The following PSMA4 variants were observed in gnomAD, a reference collection of about 807,000 sequenced individuals.
PSMA4 encodes the protein proteasome subunit alpha type-4.
A neutral mutation model predicts 37.2 loss-of-function variants in PSMA4; 8 were observed. That is an observed-to-expected ratio of 0.22 (90% CI 0.13 to 0.39). The LOEUF is 0.39. Among genes scored for constraint, PSMA4 ranks in the 10% least tolerant of loss-of-function variants. The pLI, the probability that PSMA4 is intolerant of heterozygous loss-of-function variation, is 1.00. For synonymous variants in PSMA4, 93 were observed against 98.8 expected, an observed-to-expected ratio of 0.94 and a Z score of 0.35; for missense variants, 169 against 305.1, an observed-to-expected ratio of 0.55 and a Z score of 3.32.
chr15:78,548,701 C>G, intron 8 of PSMA4, 89 bp from the exon 9 acceptor site: 1 of 1,503,124 alleles, frequency 6.7e-7, no homozygotes, highest in Non-Finnish European at 8.9e-7. Flanking sequence ...AATGATGTGG[C>G]GAGCATAAAC....
Position 78,542,389 on chromosome 15 carries a change from T to C in PSMA4, c.47-94T>C, listed in dbSNP as rs866222972. 3 of 1,473,410 alleles carry C rather than the reference T, an allele frequency of 2.0e-6. No homozygotes were observed. In the African/African-American group the frequency reaches 4.2e-5, roughly 21 times the overall value. 91.3% of individuals were successfully genotyped at this position (1,473,410 alleles called of 1,614,324 possible). A position where few individuals can be genotyped will look rare whatever the true frequency, so the allele number is the denominator to read the frequency against. On this transcript the variant is annotated intron_variant, in intron 3 of 8. Coordinates refer to ENST00000044462, the MANE Select transcript of PSMA4 (RefSeq NM_002789.6). ...ACCATAGAAGAGTGAAAGTGGAAAT[T>C]TGTTTCTAGCTTGCTTCATTGCTGA...
intron 7 of PSMA4, 23 bp from the exon 8 acceptor site, chr15:78,546,552 C>G: frequency 6.4e-7 from 1 of 1,558,576 alleles, no homozygotes; most frequent in Non-Finnish European, 8.6e-7. Context: ...ACTTAAAATT[C>G]TATGTTGATT....
At chr15:78,545,816 A>G (rs1240684002) in intron 7 of PSMA4, 52 bp downstream of exon 7, 18 of 1,588,664 alleles carry the variant, frequency 1.1e-5, no homozygotes, top group Non-Finnish European at 1.5e-5. Flanking sequence ...AATAACTGCC[A>G]TAATTTTGCC....
intron 7 of PSMA4, among the ~76,000 whole-genome samples, chr15:78,546,112 T>G (rs1596044791): frequency 1.3e-5 from 2 of 152,132 alleles, no homozygotes; most frequent in East Asian, 3.9e-4. Context: ...TACCCCCTCT[T>G]CTCACCCCGT....
At chr15:78,545,190 G>A (rs1245256751) in intron 6 of PSMA4, among the ~76,000 whole-genome samples, 2 of 152,080 alleles carry the variant, frequency 1.3e-5, no homozygotes, top group Non-Finnish European at 2.9e-5. Flanking sequence ...ACTTGTGTTG[G>A]GAGCCTTCCA....
intron 8 of PSMA4, 101 bp from the exon 9 acceptor site, chr15:78,548,689 T>G: frequency 6.7e-7 from 1 of 1,482,396 alleles, no homozygotes; most frequent in Non-Finnish European, 9.0e-7. Flanking sequence ...AACTAACGTT[T>G]CAATGATGTG....
chr15:78,547,916 C>T (rs779098103), intron 8 of PSMA4, among the ~76,000 whole-genome samples: 3 of 151,458 alleles, frequency 2.0e-5, no homozygotes, highest in Admixed American at 6.6e-5. Context: ...GACAGTTTAG[C>T]TCCTGGTGTT....
chr15:78,544,392 T>C (rs367829261), intron 5 of PSMA4, 125 bp downstream of exon 5: 1 of 578,526 alleles, frequency 1.7e-6, no homozygotes. Context: ...CTTGGCTCAC[T>C]GCAACCTCCG....
chr15:78,545,048 C>A, intron 6 of PSMA4, 91 bp downstream of exon 6: 1 of 757,686 alleles, frequency 1.3e-6, no homozygotes, highest in South Asian at 2.2e-5. Context: ...TGAAAATAGA[C>A]CCTTTGTTTT....
intron 5 of PSMA4, 112 bp downstream of exon 5, chr15:78,544,379 G>GCC: frequency 9.5e-6 from 6 of 628,388 alleles, no homozygotes; most frequent in Non-Finnish European, 1.3e-5. Context: ...GCAGTGGCAC[G>GCC]ATCTTGGCTC....
chr15:78,544,375 G>GCGC, intron 5 of PSMA4, 108 bp downstream of exon 5: 1 of 672,978 alleles, frequency 1.5e-6, no homozygotes, highest in Non-Finnish European at 2.4e-6. Flanking sequence ...GAGTGCAGTG[G>GCGC]CACGATCTTG....
At chr15:78,547,789 A>C (rs1220529447) in intron 8 of PSMA4, among the ~76,000 whole-genome samples, 2 of 152,102 alleles carry the variant, frequency 1.3e-5, no homozygotes, top group Non-Finnish European at 2.9e-5. Flanking sequence ...GTGAGTTGAG[A>C]TCATGCCACT....
At chr15:78,545,848 AT>A in intron 7 of PSMA4, 84 bp downstream of exon 7, 1 of 1,412,516 alleles carries the variant, frequency 7.1e-7, no homozygotes, top group Non-Finnish European at 9.9e-7. Flanking sequence ...TGTAAACAGT[AT>A]TTTAAGATAG....
At chr15:78,544,350 CTG>C (rs2052512482) in intron 5 of PSMA4, 83 bp downstream of exon 5, 1 of 1,016,600 alleles carries the variant, frequency 9.8e-7, no homozygotes, top group Admixed American at 2.4e-5. Flanking sequence ...GAGTCTCACT[CTG>C]TCACCCAGGC....
intron 4 of PSMA4, among the ~76,000 whole-genome samples, chr15:78,543,300 G>A (rs1351398491): frequency 6.6e-6 from 1 of 152,142 alleles, no homozygotes; most frequent in African/African-American, 2.4e-5. Flanking sequence ...CCAAAGTGGT[G>A]TCACCCCTCC....
At chr15:78,542,909 C>T (rs1158111178) in intron 4 of PSMA4, among the ~76,000 whole-genome samples, 1 of 152,202 alleles carries the variant, frequency 6.6e-6, no homozygotes, top group Admixed American at 6.6e-5. Flanking sequence ...CCAGGCTTCA[C>T]CCATGCAGGC....
At chr15:78,543,289 T>C (rs1036954085) in intron 4 of PSMA4, among the ~76,000 whole-genome samples, 3 of 152,130 alleles carry the variant, frequency 2.0e-5, no homozygotes, top group African/African-American at 7.2e-5. Flanking sequence ...GATAAACTTG[T>C]CCAAAGTGGT....
In PSMA4 at chr15:78,548,782, G is replaced by A; in HGVS notation, c.632-8G>A. 1.2e-6 allele frequency: 2 copies of A among 1,601,160 alleles called. No homozygotes were observed. The highest frequency in any genetic ancestry group is 1.7e-6 in the Non-Finnish European group (2 of 1,175,880). ...GCAATACAAATAAATGTATGTGTTT[G>A]TTTTTAGTGGAAATTGCAACACTAA... is the stretch of plus-strand genomic sequence containing the variant. On this transcript the variant is annotated splice_polypyrimidine_tract_variant and splice_region_variant and intron_variant, in intron 8 of 8. Transcript: ENST00000044462.
At position 78,552,025 on chromosome 15, in the gene PSMA4, A is replaced by C. The variant is rs1186750746; in HGVS notation, c.*3081A>C. ...GGAGGTGAGGCAAAAGCTACTCTTT[A>C]ACTGTGAGTTTTTTTTCCTTGCGAT... On this transcript the variant is annotated 3_prime_UTR_variant, in exon 9 of 9. Transcript: ENST00000044462. 6.6e-6 allele frequency: 1 copy of C among 152,242 alleles called. No individual in the cohort carries two copies. The highest frequency in any genetic ancestry group is 1.5e-5 in the Non-Finnish European group (1 of 68,046). The allele number at this position is 152,242 out of a possible 1,614,324, so 9.4% of individuals were successfully genotyped here.
Sources: gnomAD v4.1 joint callset for allele counts (sites outside exome capture counted in the v4.1 genomes callset) on GRCh38, gnomAD v4.1.1 for gene constraint, MANE v1.5 for transcripts, NCBI Gene and HGNC (gene_info 2026-07-23, HGNC 2026-07-21) for gene names.